The following TIMM23 variants were observed in gnomAD, a reference collection of about 807,000 sequenced individuals.
The protein encoded by TIMM23 is mitochondrial import inner membrane translocase subunit Tim23.
TIMM23 carries 19 observed loss-of-function variants against 30.7 expected under a neutral mutation model. The observed-to-expected ratio is 0.62, with a 90% CI of 0.43 to 0.91. The LOEUF is 0.91. Among genes scored for constraint, TIMM23 ranks in the 40% least tolerant of loss-of-function variants. The pLI is 0.00. For missense variants in TIMM23, 202 were observed against 269.2 expected, an observed-to-expected ratio of 0.75 and a Z score of 1.75; for synonymous variants, 78 against 98.5, an observed-to-expected ratio of 0.79 and a Z score of 1.23.
chr10:45,997,027 C>G (rs1271309588), intron 6 of TIMM23, among the ~76,000 whole-genome samples: 6 of 149,386 alleles, frequency 4.0e-5, no homozygotes, highest in Non-Finnish European at 8.9e-5. Context: ...GGGCAGATTG[C>G]TTGAGCCCAG....
intron 6 of TIMM23, among the ~76,000 whole-genome samples, chr10:45,990,940 A>C (rs1838147490): frequency 1.3e-5 from 2 of 152,056 alleles, no homozygotes; most frequent in South Asian, 4.1e-4. Flanking sequence ...GTAGACTGGT[A>C]CTCCCTTGTT....
At chr10:45,974,511 G>C (rs1837606942) in intron 1 of TIMM23, among the ~76,000 whole-genome samples, 2 of 152,138 alleles carry the variant, frequency 1.3e-5, no homozygotes. Context: ...CAAGGGAGTT[G>C]GATCCATTGA....
intron 6 of TIMM23, chr10:45,992,450 T>C: frequency 2.2e-6 from 1 of 455,906 alleles, no homozygotes; most frequent in Non-Finnish European, 4.4e-6. Flanking sequence ...ATGCGTAGAC[T>C]CTCCTTAGGA....
At chr10:45,989,498 G>A (rs1473161790) in intron 6 of TIMM23, among the ~76,000 whole-genome samples, 1 of 152,184 alleles carries the variant, frequency 6.6e-6, no homozygotes, top group Admixed American at 6.5e-5. Context: ...ATGTGCAGAA[G>A]TGGAATTCTT....
intron 6 of TIMM23, among the ~76,000 whole-genome samples, chr10:45,997,676 A>C (rs1239379187): frequency 1.3e-5 from 2 of 152,132 alleles, no homozygotes; most frequent in South Asian, 4.1e-4. Context: ...ATGGTGGTGC[A>C]TGATTGTAGT....
chr10:46,002,810 A>ATTTTTTTTTTTTTTTTT (rs386371331), intron 6 of TIMM23, among the ~76,000 whole-genome samples: 1 of 95,068 alleles, frequency 1.1e-5, no homozygotes, highest in Admixed American at 1.3e-4. Context: ...ATTTCATAGT[A>ATTTTTTTTTTTTTTTTT]TTTTTTTTTT....
intron 6 of TIMM23, among the ~76,000 whole-genome samples, chr10:45,991,701 A>C (rs1202612875): frequency 6.6e-6 from 1 of 152,010 alleles, no homozygotes; most frequent in Non-Finnish European, 1.5e-5. Flanking sequence ...CGGTGAGGCG[A>C]GATCACGCCA....
chr10:45,972,671 C>T lies in TIMM23; in HGVS notation c.47C>T (p.Ala16Val). ...GGCAACAAAACCACAGGGGGATTGG[C>T]CGGCTTTTTCGGAGCCGGCGGAGCA... Reference protein sequence around the residue: ...GSGNKTTGGLAGFFGAGGAGY... With the variant: ...GSGNKTTGGLVGFFGAGGAGY... Residue 16 changes from alanine to valine, a missense_variant, in exon 1 of 7, where the codon GCC becomes GTC. Physicochemically the swap from Ala to Val is moderately conservative, Grantham distance 64. Transcript: ENST00000580018. The T allele has an allele frequency of 6.2e-7, 1 of 1,614,016 alleles. No individual in the cohort carries two copies.
At chr10:46,001,392 T>C (rs782349334) in intron 6 of TIMM23, among the ~76,000 whole-genome samples, 1 of 152,184 alleles carries the variant, frequency 6.6e-6, no homozygotes, top group Non-Finnish European at 1.5e-5. Context: ...GTCTGCAGTT[T>C]CTGTTTGAGA....
At chr10:45,994,734 G>A (rs1310985076) in intron 6 of TIMM23, among the ~76,000 whole-genome samples, 3 of 147,370 alleles carry the variant, frequency 2.0e-5, no homozygotes, top group Admixed American at 1.4e-4. Context: ...GAACCACCGC[G>A]CCCGGCCCCC....
At chr10:45,999,205 A>G (rs1838442693) in intron 6 of TIMM23, among the ~76,000 whole-genome samples, 1 of 151,968 alleles carries the variant, frequency 6.6e-6, no homozygotes, top group African/African-American at 2.4e-5. Context: ...CAGTGGCACG[A>G]TCTTGGCTCA....
chr10:45,993,927 A>G (rs1838248484), intron 6 of TIMM23, among the ~76,000 whole-genome samples: 1 of 152,194 alleles, frequency 6.6e-6, no homozygotes, highest in Non-Finnish European at 1.5e-5. Context: ...AATAAATGAA[A>G]TATTGAAATG....
At chr10:46,003,069 G>A (rs1048441923) in intron 6 of TIMM23, 134 bp from the exon 7 acceptor site, 19 of 617,310 alleles carry the variant, frequency 3.1e-5, no homozygotes, top group African/African-American at 1.5e-4. Flanking sequence ...CACCCACCTC[G>A]GCCTCCCGAA....
chr10:46,001,498 G>A (rs1554917684), intron 6 of TIMM23, among the ~76,000 whole-genome samples: 2 of 152,174 alleles, frequency 1.3e-5, no homozygotes, highest in Non-Finnish European at 2.9e-5. Flanking sequence ...TGGAGGGGGA[G>A]TGGCCCTTTA....
intron 4 of TIMM23, among the ~76,000 whole-genome samples, chr10:45,983,486 A>G (rs1429875692): frequency 6.6e-6 from 1 of 152,232 alleles, no homozygotes; most frequent in Non-Finnish European, 1.5e-5. Context: ...GGGAAAGTAC[A>G]GTTAAAAGGA....
intron 4 of TIMM23, among the ~76,000 whole-genome samples, chr10:45,985,078 A>G (rs1837956357): frequency 6.6e-6 from 1 of 152,014 alleles, no homozygotes; most frequent in Non-Finnish European, 1.5e-5. Context: ...AAAGCCTTAT[A>G]TATATTTAAT....
At chr10:45,984,478 G>C (rs1837942514) in intron 4 of TIMM23, 1 of 152,408 alleles carries the variant, frequency 6.6e-6, no homozygotes, top group Admixed American at 6.5e-5. Flanking sequence ...ACTTCTGTTT[G>C]TAAACATTAC....
At chr10:46,002,995 T>G (rs1323712276) in intron 6 of TIMM23, among the ~76,000 whole-genome samples, 2 of 151,982 alleles carry the variant, frequency 1.3e-5, no homozygotes, top group Non-Finnish European at 2.9e-5. Flanking sequence ...GCCAATTTTT[T>G]TGAATTTTTA....
intron 2 of TIMM23, among the ~76,000 whole-genome samples, chr10:45,978,891 T>G (rs1837755911): frequency 6.6e-6 from 1 of 152,178 alleles, no homozygotes; most frequent in South Asian, 2.1e-4. Flanking sequence ...AAACCAAATG[T>G]TTATCCACTG....
Sources: allele counts gnomAD v4.1 joint callset (sites outside exome capture counted in the v4.1 genomes callset), GRCh38; gene constraint gnomAD v4.1.1; transcripts MANE v1.5; gene names NCBI Gene and HGNC (gene_info 2026-07-23, HGNC 2026-07-21).